ERBB4: variants seen among roughly 807,000 people sequenced by gnomAD.
ERBB4 encodes the protein receptor tyrosine-protein kinase erbB-4.
A neutral mutation model predicts 158.0 loss-of-function variants in ERBB4; 42 were observed. The observed-to-expected ratio is 0.27, with a 90% CI of 0.21 to 0.34. The LOEUF is 0.34. ERBB4 is among the 10% of genes least tolerant of loss of function. The pLI is 1.00. For missense variants in ERBB4, 1,333 were observed against 1,624.1 expected (o/e 0.82, Z 3.08); for synonymous variants, 583 against 558.7 (o/e 1.04, Z -0.61).
At chr2:211,758,700 G>A (rs10932397) in intron 4 of ERBB4, among the ~76,000 whole-genome samples, 22,977 of 152,236 alleles carry the variant, frequency 0.15, 1,965 homozygotes, top group South Asian at 0.33. Flanking sequence ...CTTACTATGA[G>A]CTTGCCAGAG....
intron 3 of ERBB4, among the ~76,000 whole-genome samples, chr2:211,860,527 C>T (rs918237623): frequency 6.6e-6 from 1 of 152,088 alleles, no homozygotes; most frequent in Non-Finnish European, 1.5e-5. Flanking sequence ...GTACACTACT[C>T]ATTTAAGACA....
At chr2:211,533,168 T>C (rs995321517) in intron 20 of ERBB4, among the ~76,000 whole-genome samples, 1 of 151,916 alleles carries the variant, frequency 6.6e-6, no homozygotes, top group Non-Finnish European at 1.5e-5. Context: ...AATATGTAGG[T>C]AGACTTCATT....
chr2:212,167,450 T>C (rs955827711), intron 1 of ERBB4, among the ~76,000 whole-genome samples: 1 of 151,906 alleles, frequency 6.6e-6, no homozygotes, highest in African/African-American at 2.4e-5. Context: ...TACATGATGG[T>C]GAGGTTGTGG....
intron 1 of ERBB4, among the ~76,000 whole-genome samples, chr2:212,184,435 G>C (rs1004632231): frequency 6.6e-6 from 1 of 151,792 alleles, no homozygotes; most frequent in Non-Finnish European, 1.5e-5. Context: ...TTTGTTTTAG[G>C]GTCATTTAAT....
intron 25 of ERBB4, among the ~76,000 whole-genome samples, chr2:211,406,685 G>A (rs747689530): frequency 3.3e-5 from 5 of 152,100 alleles, no homozygotes; most frequent in Non-Finnish European, 5.9e-5. Flanking sequence ...TTGAATAGCT[G>A]TGCCTCGGTT....
chr2:211,594,266 G>C (rs951797051), intron 19 of ERBB4, among the ~76,000 whole-genome samples: 1 of 151,838 alleles, frequency 6.6e-6, no homozygotes, highest in Non-Finnish European at 1.5e-5. Context: ...GTGAAACCTC[G>C]TCTCTACTAA....
intron 20 of ERBB4, among the ~76,000 whole-genome samples, chr2:211,505,978 T>G (rs1222897775): frequency 5.8e-5 from 7 of 119,940 alleles, no homozygotes; most frequent in South Asian, 2.7e-4. Flanking sequence ...AAAAAAAAAG[T>G]TATAGACAGG....
chr2:211,829,019 C>A (rs2077163967), intron 3 of ERBB4, among the ~76,000 whole-genome samples: 1 of 152,138 alleles, frequency 6.6e-6, no homozygotes. Flanking sequence ...TTGGACTAAT[C>A]TTAATCTTTG....
rs2092355710 is a variant in ERBB4, at chr2:212,446,591, G to GTATATGTATA, written c.82+91857_82+91858insTATACATATA. Among the ~76,000 whole-genome samples, 2 of 27,518 alleles carry GTATATGTATA rather than the reference G, an allele frequency of 7.3e-5. 1 individual carries two copies. The highest frequency in any genetic ancestry group is 3.7e-4 in the African/African-American group (2 of 5,470). The allele number at this position is 27,518 out of a possible 152,430, so 18.1% of individuals were successfully genotyped here. On this transcript the variant is annotated intron_variant, in intron 1 of 27. Coordinates refer to ENST00000342788, the MANE Select transcript of ERBB4 (RefSeq NM_005235.3). The stretch of plus-strand genomic sequence containing the variant: ...TTAATAAACTCCCATATATATATAT[G>GTATATGTATA]TATATATATATATATATATATATAT...
chr2:212,499,951 A>G (rs1212115015), intron 1 of ERBB4, among the ~76,000 whole-genome samples: 1 of 152,106 alleles, frequency 6.6e-6, no homozygotes, highest in East Asian at 1.9e-4. Context: ...GACAAATGTC[A>G]CCTGATAAGT....
intron 1 of ERBB4, among the ~76,000 whole-genome samples, chr2:212,192,031 T>TTATATAA (rs750266150): frequency 2.1e-5 from 1 of 47,628 alleles, no homozygotes; most frequent in East Asian, 7.3e-4. Flanking sequence ...GTTATATATG[T>TTATATAA]TATATGTTAT....
intron 2 of ERBB4, among the ~76,000 whole-genome samples, chr2:211,977,643 C>T (rs1248796518): frequency 6.6e-6 from 1 of 150,786 alleles, no homozygotes; most frequent in African/African-American, 2.4e-5. Context: ...TCGAGACCAG[C>T]CTGGCCAAAA....
At chr2:212,233,283 C>T (rs189412732) in intron 1 of ERBB4, among the ~76,000 whole-genome samples, 17 of 152,224 alleles carry the variant, frequency 1.1e-4, no homozygotes, top group Admixed American at 1.1e-3. Context: ...TCCACTCTAA[C>T]CCCACTCATT....
At position 211,907,787 on chromosome 2, in the gene ERBB4, C is replaced by G. The variant is rs150100134; in HGVS notation, c.421+39643G>C. The stretch of plus-strand genomic sequence containing the variant: ...CTAGAACCCACAAAACCCCACAACT[C>G]TCCATAGTGTTATAGGTCATTTCAA... On this transcript the variant is annotated intron_variant, in intron 3 of 27. Transcript: ENST00000342788. Among the ~76,000 whole-genome samples, 62 of 151,778 alleles carry G rather than the reference C, an allele frequency of 4.1e-4. 1 individual carries two copies. Among genetic ancestry groups the G allele is most frequent in the African/African-American group, 1.3e-3 (52 of 41,532 alleles).
chr2:212,006,373 T>G (rs2125295402), intron 2 of ERBB4, among the ~76,000 whole-genome samples: 1 of 152,196 alleles, frequency 6.6e-6, no homozygotes, highest in South Asian at 2.1e-4. Flanking sequence ...AAATTAATCT[T>G]AAATTAAGGT....
chr2:212,239,998 A>C (rs2084023581), intron 1 of ERBB4, among the ~76,000 whole-genome samples: 1 of 152,212 alleles, frequency 6.6e-6, no homozygotes, highest in African/African-American at 2.4e-5. Flanking sequence ...TCCAAATCTT[A>C]GATTAAAATG....
At chr2:212,415,079 T>C (rs1487634930) in intron 1 of ERBB4, among the ~76,000 whole-genome samples, 1 of 152,190 alleles carries the variant, frequency 6.6e-6, no homozygotes, top group Non-Finnish European at 1.5e-5. Context: ...AGAAACATGT[T>C]TGATGAGGTC....
At chr2:211,693,130 T>G (rs2072883073) in intron 12 of ERBB4, among the ~76,000 whole-genome samples, 1 of 151,956 alleles carries the variant, frequency 6.6e-6, no homozygotes, top group Admixed American at 6.6e-5. Context: ...TAGGAGGAGG[T>G]GAGAGGCAGT....
At chr2:212,249,529 A>T (rs1443988377) in intron 1 of ERBB4, among the ~76,000 whole-genome samples, 2 of 151,994 alleles carry the variant, frequency 1.3e-5, no homozygotes, top group East Asian at 3.9e-4. Context: ...TAGTGGGAGA[A>T]CAGTAAGGCA....
Sources: allele counts gnomAD v4.1 joint callset (sites outside exome capture counted in the v4.1 genomes callset), GRCh38; gene constraint gnomAD v4.1.1; transcripts MANE v1.5; gene names NCBI Gene and HGNC (gene_info 2026-07-23, HGNC 2026-07-21).